Variants in UNC79 observed in about 807,000 individuals in gnomAD.
UNC79 encodes unc-79 subunit of NALCN channel complex.
Under a neutral mutation model 283.1 loss-of-function variants are expected in UNC79, and 37 were observed. The observed-to-expected ratio is 0.13, with a 90% confidence interval of 0.10 to 0.17. UNC79 has a LOEUF of 0.17. Ranked by LOEUF, UNC79 falls within the 10% of genes least tolerant of loss-of-function variation. UNC79 has a pLI of 1.00. For synonymous variants in UNC79, 1,107 were observed against 1,200.2 expected (o/e 0.92, Z 1.61); for missense variants, 2,272 against 3,211.1 (o/e 0.71, Z 7.07).
intron 5 of UNC79, among the ~76,000 whole-genome samples, chr14:93,493,969 T>C: frequency 7.1e-6 from 1 of 139,874 alleles, no homozygotes; most frequent in East Asian, 2.2e-4. Flanking sequence ...AGTGGCACAA[T>C]CTCAGCTCAC....
chr14:93,494,041 T>C (rs1435318261), intron 5 of UNC79, among the ~76,000 whole-genome samples: 3 of 150,942 alleles, frequency 2.0e-5, no homozygotes, highest in African/African-American at 7.3e-5. Flanking sequence ...GTAGCTGGGA[T>C]TACAGGCACC....
chr14:93,337,473 G>A (rs1353402999), intron 1 of UNC79, among the ~76,000 whole-genome samples: 1 of 152,234 alleles, frequency 6.6e-6, no homozygotes, highest in Non-Finnish European at 1.5e-5. Context: ...GACTGTAGGA[G>A]TGAAGAGTGG....
chr14:93,503,807 A>T (rs2059410399), intron 7 of UNC79, among the ~76,000 whole-genome samples: 1 of 151,934 alleles, frequency 6.6e-6, no homozygotes, highest in Non-Finnish European at 1.5e-5. Flanking sequence ...TCAACTTAGC[A>T]TTCTTTGTCT....
intron 5 of UNC79, among the ~76,000 whole-genome samples, chr14:93,493,901 A>ATTTTTTTT (rs71129642): frequency 2.1e-3 from 103 of 49,224 alleles, no homozygotes; most frequent in Non-Finnish European, 2.5e-3. Context: ...ATATATATAT[A>ATTTTTTTT]TTTTTTTTTT....
chr14:93,451,563 G>A (rs1209887486), intron 1 of UNC79, among the ~76,000 whole-genome samples: 1 of 152,200 alleles, frequency 6.6e-6, no homozygotes, highest in Non-Finnish European at 1.5e-5. Flanking sequence ...CCTCTGATGT[G>A]TCTCTCTTCC....
At chr14:93,333,830 T>C (rs7155081) in intron 1 of UNC79, among the ~76,000 whole-genome samples, 18,218 of 152,118 alleles carry the variant, frequency 0.12, 1,368 homozygotes, top group African/African-American at 0.21. Context: ...CCCTTTGTGG[T>C]AGTCAGGATA....
At chr14:93,649,451 A>G (rs2069999081) in intron 35 of UNC79, among the ~76,000 whole-genome samples, 1 of 152,114 alleles carries the variant, frequency 6.6e-6, no homozygotes, top group Non-Finnish European at 1.5e-5. Context: ...CTATCCATCA[A>G]TTCATTTTTT....
At chr14:93,364,815 C>T (rs1448001537) in intron 1 of UNC79, among the ~76,000 whole-genome samples, 2 of 151,944 alleles carry the variant, frequency 1.3e-5, no homozygotes, top group Middle Eastern at 3.4e-3. Flanking sequence ...TTGCTACTGC[C>T]CTTTAGAAAA....
chr14:93,634,565 A>G lies in UNC79; in HGVS notation c.5717-2651A>G, dbSNP rs749153640. ...AAGGGGATCCCTGGGAGTTCTGACA[A>G]TGAGCCAGTTAATGAAGCGGCAGCT... On this transcript the variant is annotated intron_variant, in intron 31 of 48. Transcript: ENST00000555664. The G allele has an allele frequency of 6.0e-5, 97 of 1,614,148 alleles. No individual in the cohort carries two copies. The Middle Eastern group carries it at 3.3e-3, about 55-fold the overall frequency.
At chr14:93,572,406 C>G (rs2063256935) in intron 15 of UNC79, among the ~76,000 whole-genome samples, 1 of 152,138 alleles carries the variant, frequency 6.6e-6, no homozygotes, top group Non-Finnish European at 1.5e-5. Flanking sequence ...GTTTTAGATG[C>G]TAGGGAGCAA....
intron 1 of UNC79, among the ~76,000 whole-genome samples, chr14:93,363,885 AT>A (rs955570480): frequency 6.6e-6 from 1 of 151,500 alleles, no homozygotes; most frequent in Non-Finnish European, 1.5e-5. Context: ...CACCCAGCTA[AT>A]TTTTTTTGTA....
At chr14:93,399,384 G>A (rs998327853) in intron 1 of UNC79, among the ~76,000 whole-genome samples, 9 of 152,086 alleles carry the variant, frequency 5.9e-5, no homozygotes, top group South Asian at 2.1e-4. Flanking sequence ...GAATTCCGCC[G>A]AGCACAATTA....
In UNC79 at chr14:93,688,715, A is replaced by G. The variant is rs1362317948; in HGVS notation, c.6960A>G (p.Gly2320=). ...CTCTGCATGAAGATACCTTTGGGGG[A>G]CATCTCAAAGTGGGGCTGGCCCAGA... is the stretch of plus-strand genomic sequence containing the variant. The change falls in exon 44 of 49, where the codon GGA becomes GGG. Residue 2320 remains glycine (G), a synonymous_variant. Coordinates refer to ENST00000555664, the Ensembl canonical transcript of UNC79. The surrounding 1 kb of genome is among the most constrained non-coding windows in gnomAD (Gnocchi z 4.0). 2 of 1,614,146 alleles carry G rather than the reference A, an allele frequency of 1.2e-6. No homozygotes were observed. The highest frequency in any genetic ancestry group is 1.7e-6 in the Non-Finnish European group (2 of 1,180,018).
chr14:93,338,436 CTT>C (rs1215463158), intron 1 of UNC79, among the ~76,000 whole-genome samples: 5 of 152,152 alleles, frequency 3.3e-5, no homozygotes, highest in Non-Finnish European at 7.3e-5. Context: ...ATTACCCAGA[CTT>C]AGGTATTTCT....
chr14:93,587,289 C>A (rs991209647), intron 22 of UNC79, among the ~76,000 whole-genome samples: 2 of 152,234 alleles, frequency 1.3e-5, no homozygotes, highest in African/African-American at 2.4e-5. Flanking sequence ...TAATAGATGT[C>A]TAAATCTCTC....
chr14:93,543,383 CTTT>C (rs369252676), intron 14 of UNC79, among the ~76,000 whole-genome samples: 10 of 140,860 alleles, frequency 7.1e-5, no homozygotes, highest in Admixed American at 1.4e-4. Context: ...TTCTTTTTTC[CTTT>C]TTTTTTTTTT....
chr14:93,341,015 T>G (rs986881774), intron 1 of UNC79, among the ~76,000 whole-genome samples: 1 of 152,200 alleles, frequency 6.6e-6, no homozygotes, highest in African/African-American at 2.4e-5. Context: ...CCTGAGGCTA[T>G]GTGGTTAGTA....
chr14:93,583,060 A>G (rs1016974801), intron 20 of UNC79, among the ~76,000 whole-genome samples: 29 of 151,854 alleles, frequency 1.9e-4, no homozygotes, highest in Non-Finnish European at 4.0e-4. Context: ...GGTGGCTCAT[A>G]CCTGTAATCC....
intron 1 of UNC79, among the ~76,000 whole-genome samples, chr14:93,411,075 G>A (rs75338710): frequency 1.3e-4 from 20 of 152,038 alleles, no homozygotes; most frequent in African/African-American, 1.9e-4. Flanking sequence ...AGAGGGGAGC[G>A]CATTGCCCCG....
Sources: allele counts gnomAD v4.1 joint callset (sites outside exome capture counted in the v4.1 genomes callset), GRCh38; gene constraint gnomAD v4.1.1; non-coding constraint Gnocchi (gnomAD v3.1); transcripts MANE v1.5; gene names NCBI Gene and HGNC (gene_info 2026-07-23, HGNC 2026-07-21).